Variants in PLEKHS1 observed in about 807,000 individuals in gnomAD.
PLEKHS1 encodes the protein pleckstrin homology domain-containing family S member 1.
A neutral mutation model predicts 51.0 loss-of-function variants in PLEKHS1; 55 were observed. That is an observed-to-expected ratio of 1.08 (90% CI 0.87 to 1.35). The LOEUF (loss-of-function observed/expected upper bound fraction) is 1.35, where lower values mean the gene tolerates loss of function less well. Among genes scored for constraint, PLEKHS1 ranks in the 40% most tolerant of loss-of-function variants. The pLI is 0.00. For synonymous variants in PLEKHS1, 153 were observed against 144.8 expected, an observed-to-expected ratio of 1.06 and a Z score of -0.41; for missense variants, 398 against 423.0, an observed-to-expected ratio of 0.94 and a Z score of 0.52.
At chr10:113,751,957 C>T (rs1220750219) in intron 1 of PLEKHS1, among the ~76,000 whole-genome samples, 196 bp downstream of exon 1, 1 of 152,172 alleles carries the variant, frequency 6.6e-6, no homozygotes, top group Non-Finnish European at 1.5e-5. Flanking sequence ...TCTTGGTATA[C>T]TGTATTCACC....
exon 12 of PLEKHS1, chr10:113,780,784 C>T (rs1208859598): frequency 1.3e-6 from 2 of 1,542,604 alleles, no homozygotes; most frequent in East Asian, 2.4e-5. Flanking sequence ...GGGAGTAACG[C>T]ACCCCAGACC....
At chr10:113,757,305 G>A (rs1854167473) in intron 2 of PLEKHS1, among the ~76,000 whole-genome samples, 1 of 152,156 alleles carries the variant, frequency 6.6e-6, no homozygotes, top group South Asian at 2.1e-4. Context: ...TTTGATAGAA[G>A]TTTTGATATG....
chr10:113,767,832 T>A (rs1279757363), intron 5 of PLEKHS1, among the ~76,000 whole-genome samples: 1 of 152,186 alleles, frequency 6.6e-6, no homozygotes. Flanking sequence ...GGTAGTTCCC[T>A]TGGCTTGAGG....
At chr10:113,771,264 AG>A (rs1203901173) in intron 7 of PLEKHS1, 1 of 152,222 alleles carries the variant, frequency 6.6e-6, no homozygotes, top group Non-Finnish European at 1.5e-5. Flanking sequence ...AAAAATATGG[AG>A]CAGGAACAGG....
At chr10:113,763,115 G>C (rs981308219) in intron 2 of PLEKHS1, among the ~76,000 whole-genome samples, 1 of 151,968 alleles carries the variant, frequency 6.6e-6, no homozygotes, top group Non-Finnish European at 1.5e-5. Context: ...CATGTATTTT[G>C]AAGCTATGTT....
chr10:113,775,854 C>T (rs1433965095), exon 11 of PLEKHS1: 1 of 1,609,790 alleles, frequency 6.2e-7, no homozygotes, highest in Non-Finnish European at 8.5e-7. Flanking sequence ...ACAGAAGCCA[C>T]AGGACGGATA....
At chr10:113,768,553 C>T (rs190966520) in intron 5 of PLEKHS1, among the ~76,000 whole-genome samples, 11 of 152,288 alleles carry the variant, frequency 7.2e-5, no homozygotes, top group African/African-American at 1.4e-4. Context: ...ATGTCAAAGC[C>T]GAAAGCCCCA....
At chr10:113,766,167 G>A (rs1844151197) in intron 2 of PLEKHS1, among the ~76,000 whole-genome samples, 1 of 152,242 alleles carries the variant, frequency 6.6e-6, no homozygotes, top group Non-Finnish European at 1.5e-5. Flanking sequence ...TCTAGAAACA[G>A]AAAGCCAGAC....
intron 2 of PLEKHS1, among the ~76,000 whole-genome samples, chr10:113,761,073 T>A (rs1308346996): frequency 6.6e-6 from 1 of 152,172 alleles, no homozygotes; most frequent in Non-Finnish European, 1.5e-5. Context: ...TCTCTCCCCA[T>A]TGAATGGCCG....
chr10:113,781,008 C>T, exon 12 of PLEKHS1: 1 of 545,476 alleles, frequency 1.8e-6, no homozygotes. Context: ...GCCTTATTAT[C>T]TCAGCTATTG....
intron 10 of PLEKHS1, 76 bp from the exon 11 acceptor site, chr10:113,775,689 A>C: frequency 1.1e-6 from 1 of 911,642 alleles, no homozygotes. Context: ...ATAGAGGCCA[A>C]AAGTCTACTC....
intron 8 of PLEKHS1, among the ~76,000 whole-genome samples, chr10:113,773,444 A>ATAAATAAATAAG (rs1461103367): frequency 3.9e-5 from 6 of 152,084 alleles, no homozygotes; most frequent in Admixed American, 2.0e-4. Flanking sequence ...AAATAAATAA[A>ATAAATAAATAAG]TAAGTAAAAA....
chr10:113,756,734 T>C (rs1854131470), intron 2 of PLEKHS1, among the ~76,000 whole-genome samples: 1 of 152,014 alleles, frequency 6.6e-6, no homozygotes, highest in Non-Finnish European at 1.5e-5. Context: ...AATGAAATGG[T>C]ATAGAAGCAG....
intron 5 of PLEKHS1, 130 bp downstream of exon 5, chr10:113,767,609 C>A (rs2134524246): frequency 1.1e-6 from 1 of 920,928 alleles, no homozygotes; most frequent in Non-Finnish European, 1.5e-6. Flanking sequence ...TCTTGGCAAT[C>A]TTAGTTATTT....
chr10:113,769,604 G>A (rs541938023), intron 6 of PLEKHS1, among the ~76,000 whole-genome samples, 180 bp from the exon 7 acceptor site: 2 of 152,194 alleles, frequency 1.3e-5, no homozygotes, highest in Non-Finnish European at 2.9e-5. Context: ...TCAAGGGTTT[G>A]GAAACAGGAG....
rs989936724 is a variant in PLEKHS1 at position 113,780,653 on chromosome 10, G to T, written c.*51G>T. On this transcript the variant is annotated 3_prime_UTR_variant, in exon 12 of 12. Transcript: ENST00000361048. Reference sequence around the variant, plus strand: ...CCCAAATTCAGAGACATTCCATGCTGCATCCTGTATGTGTCCCTCAAAATG... The same window carrying T: ...CCCAAATTCAGAGACATTCCATGCTTCATCCTGTATGTGTCCCTCAAAATG... 2 of 1,613,688 alleles carry T rather than the reference G, an allele frequency of 1.2e-6. No homozygotes were observed. The highest frequency in any genetic ancestry group is 1.3e-5 in the African/African-American group (1 of 75,048).
rs1295914144 is a variant in PLEKHS1 at position 113,766,777 on chromosome 10, C to T, written c.224+59C>T. ...CAAATACTATAAAGTCAAACAGTAA[C>T]AAGTTGCATGCAAATTGAAATTTAC... On this transcript the variant is annotated intron_variant, in intron 4 of 11. Coordinates refer to ENST00000361048, the Ensembl canonical transcript of PLEKHS1. 5 of 1,281,366 alleles carry T rather than the reference C, an allele frequency of 3.9e-6. No homozygotes were observed. The Admixed American group carries it at 7.1e-5, about 18-fold the overall frequency. 79.4% of individuals were successfully genotyped at this position (1,281,366 alleles called of 1,614,324 possible).
chr10:113,780,045 C>T (rs1844819610), intron 11 of PLEKHS1, among the ~76,000 whole-genome samples: 1 of 152,102 alleles, frequency 6.6e-6, no homozygotes, highest in Admixed American at 6.5e-5. Context: ...CAGCCATTGG[C>T]CCTTGATGTT....
chr10:113,781,364 G>GACACCTCCTTCCCA (rs1413829035), exon 12 of PLEKHS1: 1 of 48,594 alleles, frequency 2.1e-5, no homozygotes, highest in Admixed American at 2.3e-4. Context: ...CTCCTTCCCA[G>GACACCTCCTTCCCA]ACACCTCCTT....
Sources: gnomAD v4.1 joint callset for allele counts (sites outside exome capture counted in the v4.1 genomes callset) on GRCh38, gnomAD v4.1.1 for gene constraint, MANE v1.5 for transcripts, NCBI Gene and HGNC (gene_info 2026-07-23, HGNC 2026-07-21) for gene names.